DGLUCY: variants seen among roughly 807,000 people sequenced by gnomAD.
DGLUCY encodes the protein D-glutamate cyclase, mitochondrial.
Under a neutral mutation model 58.5 loss-of-function variants are expected in DGLUCY, and 58 were observed. The observed-to-expected ratio is 0.99, with a 90% CI of 0.80 to 1.23. The LOEUF (loss-of-function observed/expected upper bound fraction) is 1.23, where lower values mean the gene tolerates loss of function less well. Among genes scored for constraint, DGLUCY ranks in the 50% most tolerant of loss-of-function variants. The probability of loss-of-function intolerance (pLI) is 0.00; values close to 1 mark genes in which losing one functional copy is unlikely to be tolerated. For missense variants in DGLUCY, 779 were observed against 784.7 expected (o/e 0.99, Z 0.09); for synonymous variants, 325 against 314.1 (o/e 1.03, Z -0.37).
upstream of DGLUCY, among the ~76,000 whole-genome samples, chr14:91,104,341 C>T (rs555821951): frequency 6.6e-6 from 1 of 152,136 alleles, no homozygotes; most frequent in Admixed American, 6.5e-5. Context: ...GGATTACAGG[C>T]GTGAGCCACC....
intron 1 of DGLUCY, among the ~76,000 whole-genome samples, chr14:91,084,956 C>T (rs1037584068): frequency 5.3e-5 from 8 of 152,136 alleles, no homozygotes; most frequent in Non-Finnish European, 1.0e-4. Context: ...GGCATGGTGG[C>T]TTGTGCCTGT....
intron 1 of DGLUCY, among the ~76,000 whole-genome samples, chr14:91,093,402 A>G (rs1356487334): frequency 6.6e-6 from 1 of 152,210 alleles, no homozygotes; most frequent in Non-Finnish European, 1.5e-5. Context: ...AGAGAAGCGA[A>G]ATGTGGTAGA....
chr14:91,112,554 T>C (rs969058202), upstream of DGLUCY, among the ~76,000 whole-genome samples: 2 of 152,124 alleles, frequency 1.3e-5, no homozygotes, highest in African/African-American at 4.8e-5. Context: ...TTTTTGATTC[T>C]ATAATAAAAG....
At chr14:91,201,261 G>A (rs1006847232) in intron 11 of DGLUCY, among the ~76,000 whole-genome samples, 1 of 151,942 alleles carries the variant, frequency 6.6e-6, no homozygotes, top group Admixed American at 6.6e-5. Flanking sequence ...CAGGTCACAG[G>A]GGATATGATG....
chr14:91,201,944 C>T (rs1024511810), intron 11 of DGLUCY, among the ~76,000 whole-genome samples: 2 of 151,748 alleles, frequency 1.3e-5, no homozygotes, highest in African/African-American at 4.8e-5. Flanking sequence ...GATTCCAGCT[C>T]CTCAGGAGGC....
chr14:91,069,778 A>G (rs1416274652), intron 1 of DGLUCY, among the ~76,000 whole-genome samples: 8 of 142,278 alleles, frequency 5.6e-5, no homozygotes, highest in Non-Finnish European at 1.2e-4. Flanking sequence ...GATATTTTTC[A>G]CTTATGATAA....
rs751791210 is a variant in DGLUCY, at chr14:91,173,411, G to GGGGCAACCTGTTCACAT, written c.584_600dup (p.Asp201AsnfsTer40). 5 of 1,608,202 alleles carry GGGGCAACCTGTTCACAT rather than the reference G, an allele frequency of 3.1e-6. No individual in the cohort carries two copies. Among genetic ancestry groups the GGGGCAACCTGTTCACAT allele is most frequent in the Non-Finnish European group, 4.2e-6 (5 of 1,178,362 alleles). ...CCTGCTGCTCCCTCGGAGGTGAGCA[G>GGGGCAACCTGTTCACAT]GGGCAACCTGTTCACATGGGCGACC... On this transcript the variant is annotated frameshift_variant, in exon 6 of 14. Transcript: ENST00000256324. LOFTEE classifies it high-confidence loss of function.
At chr14:91,167,070 C>T (rs886303066) in intron 3 of DGLUCY, among the ~76,000 whole-genome samples, 155 bp from the exon 4 acceptor site, 4 of 151,142 alleles carry the variant, frequency 2.6e-5, no homozygotes, top group Non-Finnish European at 2.9e-5. Flanking sequence ...ACCCAGGAGG[C>T]GGAGGTTGCA....
intron 1 of DGLUCY, among the ~76,000 whole-genome samples, chr14:91,132,782 CT>C (rs1484370190): frequency 6.6e-6 from 1 of 151,782 alleles, no homozygotes; most frequent in Non-Finnish European, 1.5e-5. Context: ...CCAGCCAGAA[CT>C]TTTTCATCTT....
At chr14:91,215,109 A>G (rs1886307782) in intron 12 of DGLUCY, among the ~76,000 whole-genome samples, 1 of 152,190 alleles carries the variant, frequency 6.6e-6, no homozygotes, top group Admixed American at 6.5e-5. Flanking sequence ...AGATCGCACC[A>G]CTACACTCCA....
intron 1 of DGLUCY, among the ~76,000 whole-genome samples, chr14:91,141,920 ACTGCAACCT>A (rs1040996473): frequency 5.4e-5 from 8 of 149,222 alleles, no homozygotes; most frequent in Non-Finnish European, 1.2e-4. Context: ...ATCTCGGCCC[ACTGCAACCT>A]CTGCCTCCCA....
intron 1 of DGLUCY, among the ~76,000 whole-genome samples, chr14:91,121,186 A>G (rs1164421562): frequency 1.3e-5 from 2 of 152,148 alleles, no homozygotes; most frequent in Non-Finnish European, 2.9e-5. Flanking sequence ...CACTGTCAAC[A>G]CAGTTTTCCT....
At chr14:91,076,321 G>T (rs1281263993) in intron 1 of DGLUCY, among the ~76,000 whole-genome samples, 1 of 152,092 alleles carries the variant, frequency 6.6e-6, no homozygotes, top group Non-Finnish European at 1.5e-5. Flanking sequence ...TATAATATTT[G>T]CATGTAACCT....
Position 91,181,328 on chromosome 14 carries a change from C to T in DGLUCY, c.873C>T (p.Ile291=), listed in dbSNP as rs1419726941. ...CCCAAGATCCTCTGCACTACAGCATCGCGTCAGTCTCTGCTTCTCAGAAGA... is the reference window on the plus strand; with the variant it reads ...CCCAAGATCCTCTGCACTACAGCATTGCGTCAGTCTCTGCTTCTCAGAAGA... The part of the protein sequence containing the change: ...HISQDPLHYS[I]ASVSASQKIR... The change falls in exon 8 of 14, where the codon ATC becomes ATT. Residue 291 remains isoleucine, a synonymous_variant. Coordinates refer to ENST00000256324, the MANE Select transcript of DGLUCY (RefSeq NM_001102368.3). The T allele has an allele frequency of 5.6e-6, 9 of 1,614,170 alleles. No homozygotes were observed. Among genetic ancestry groups the T allele is most frequent in the East Asian group, 4.5e-5 (2 of 44,886 alleles).
chr14:91,223,737 A>AT, intron 13 of DGLUCY: 1 of 1,284,204 alleles, frequency 7.8e-7, no homozygotes, highest in South Asian at 1.2e-5. Flanking sequence ...TGCCAATAAA[A>AT]TCAACCTCAT....
chr14:91,188,416 C>T (rs923775484), intron 8 of DGLUCY, among the ~76,000 whole-genome samples: 26 of 152,158 alleles, frequency 1.7e-4, no homozygotes, highest in African/African-American at 5.3e-4. Context: ...GGTCAGGGGG[C>T]GGGGGTAGAA....
chr14:91,085,999 G>A (rs1232528291), intron 1 of DGLUCY, among the ~76,000 whole-genome samples: 7 of 152,144 alleles, frequency 4.6e-5, no homozygotes, highest in South Asian at 2.1e-4. Flanking sequence ...GTTTACAGTC[G>A]CTCCCCATCA....
intron 8 of DGLUCY, among the ~76,000 whole-genome samples, chr14:91,188,288 G>A (rs1426313078): frequency 1.3e-5 from 2 of 152,138 alleles, no homozygotes; most frequent in African/African-American, 2.4e-5. Context: ...TGCATGCCAG[G>A]CCCAGAGGTG....
Position 91,211,408 on chromosome 14 carries a change from AC to A in DGLUCY, c.1565-3996del, listed in dbSNP as rs534168594. ...GAAAAAGAACGAGATCAGAGGACTGACACTACCTGACTTTAAGACTTACTAT... is the reference window on the plus strand; with the variant it reads ...GAAAAAGAACGAGATCAGAGGACTGAACTACCTGACTTTAAGACTTACTAT... On this transcript the variant is annotated intron_variant, in intron 12 of 13. Transcript: ENST00000256324. Among the ~76,000 whole-genome samples, 135 of 152,358 alleles carry A rather than the reference AC, an allele frequency of 8.9e-4. 2 individuals are homozygous for A. Among genetic ancestry groups the A allele is most frequent in the African/African-American group, 3.2e-3 (133 of 41,586 alleles).
Sources: allele counts gnomAD v4.1 joint callset (sites outside exome capture counted in the v4.1 genomes callset), GRCh38; gene constraint gnomAD v4.1.1; transcripts MANE v1.5; gene names NCBI Gene and HGNC (gene_info 2026-07-23, HGNC 2026-07-21).